CSNK1G1: variants seen among roughly 807,000 people sequenced by gnomAD.
CSNK1G1 encodes casein kinase 1 gamma 1, also known as casein kinase I isoform gamma-1.
In CSNK1G1, 22 loss-of-function variants were observed where a neutral mutation model predicts 59.6. The ratio of observed to expected loss-of-function variants is 0.37; its 90% CI spans 0.26 to 0.53. The LOEUF (loss-of-function observed/expected upper bound fraction) is 0.53. CSNK1G1 is among the 20% of genes least tolerant of loss of function. The pLI is 0.89. For synonymous variants in CSNK1G1, 179 were observed against 177.1 expected, an observed-to-expected ratio of 1.01 and a Z score of -0.08; for missense variants, 384 against 519.5, an observed-to-expected ratio of 0.74 and a Z score of 2.54.
At chr15:64,204,729 A>G in intron 8 of CSNK1G1, 136 bp downstream of exon 8, 2 of 1,181,450 alleles carry the variant, frequency 1.7e-6, no homozygotes, top group Non-Finnish European at 2.5e-6. Context: ...AATAAAAGTG[A>G]TAAAACCTAC....
intron 1 of CSNK1G1, among the ~76,000 whole-genome samples, chr15:64,312,151 T>A (rs1449915499): frequency 6.6e-6 from 1 of 152,078 alleles, no homozygotes; most frequent in Non-Finnish European, 1.5e-5. Flanking sequence ...AGAGGAAGAA[T>A]CAATATCACG....
chr15:64,300,815 G>T, intron 1 of CSNK1G1, 92 bp from the exon 2 acceptor site: 1 of 764,660 alleles, frequency 1.3e-6, no homozygotes, highest in African/African-American at 1.8e-5. Context: ...CCTATCCAAA[G>T]GTGAGCAAAA....
At chr15:64,235,054 T>A (rs1417430398) in intron 4 of CSNK1G1, among the ~76,000 whole-genome samples, 1 of 152,090 alleles carries the variant, frequency 6.6e-6, no homozygotes, top group African/African-American at 2.4e-5. Flanking sequence ...TTTACAGCCC[T>A]AAGCAGGAGG....
chr15:64,180,200 T>C, intron 11 of CSNK1G1, 148 bp downstream of exon 11: 1 of 624,184 alleles, frequency 1.6e-6, no homozygotes, highest in Non-Finnish European at 2.9e-6. Flanking sequence ...AGCCTTAAGG[T>C]ACCATGCAAA....
At chr15:64,208,806 G>A (rs1243808989) in intron 6 of CSNK1G1, among the ~76,000 whole-genome samples, 1 of 152,010 alleles carries the variant, frequency 6.6e-6, no homozygotes, top group Non-Finnish European at 1.5e-5. Flanking sequence ...AAACTGCTGG[G>A]ATTACCCATG....
chr15:64,296,365 C>T (rs1692048050), intron 2 of CSNK1G1, among the ~76,000 whole-genome samples: 1 of 152,160 alleles, frequency 6.6e-6, no homozygotes, highest in African/African-American at 2.4e-5. Flanking sequence ...AAGTCATCTG[C>T]CTGCCTTGGC....
chr15:64,276,946 C>CAA (rs1304321213), intron 2 of CSNK1G1, among the ~76,000 whole-genome samples: 6 of 54,466 alleles, frequency 1.1e-4, no homozygotes, highest in Non-Finnish European at 1.5e-4. Context: ...GACTCCATCT[C>CAA]AAAAAAAAAA....
chr15:64,177,423 A>G (rs1426839509), intron 11 of CSNK1G1, among the ~76,000 whole-genome samples: 1 of 152,228 alleles, frequency 6.6e-6, no homozygotes, highest in East Asian at 1.9e-4. Context: ...AAAGGCCAAG[A>G]AAAATAACAC....
intron 7 of CSNK1G1, among the ~76,000 whole-genome samples, chr15:64,206,858 T>C (rs886679878): frequency 2.0e-5 from 3 of 152,212 alleles, no homozygotes; most frequent in African/African-American, 7.2e-5. Flanking sequence ...TAAACCTGGA[T>C]TTTCATTTTA....
intron 4 of CSNK1G1, among the ~76,000 whole-genome samples, chr15:64,225,567 C>T (rs1194139211): frequency 6.6e-6 from 1 of 152,170 alleles, no homozygotes; most frequent in East Asian, 1.9e-4. Flanking sequence ...CAGAATCCTT[C>T]ATTTACATAG....
chr15:64,236,142 CAAAAAAAAAAAAA>C (rs532663571), intron 4 of CSNK1G1, among the ~76,000 whole-genome samples: 1 of 68,032 alleles, frequency 1.5e-5, no homozygotes, highest in Non-Finnish European at 3.4e-5. Context: ...GACTCCATCT[CAAAAAAAAAAAAA>C]AAAAAAGAAA....
intron 10 of CSNK1G1, among the ~76,000 whole-genome samples, chr15:64,182,838 A>C (rs2081837697): frequency 6.6e-6 from 1 of 152,190 alleles, no homozygotes; most frequent in Admixed American, 6.5e-5. Context: ...TGAAATTTTC[A>C]ATACAAAAAG....
intron 10 of CSNK1G1, chr15:64,189,406 T>TTAGG: frequency 7.8e-7 from 1 of 1,285,600 alleles, no homozygotes; most frequent in South Asian, 1.3e-5. Context: ...AAGAATCTGT[T>TTAGG]TAGGTGCCTC....
At chr15:64,339,322 T>C (rs535383090) in intron 1 of CSNK1G1, among the ~76,000 whole-genome samples, 1 of 152,240 alleles carries the variant, frequency 6.6e-6, no homozygotes, top group Admixed American at 6.5e-5. Flanking sequence ...TTATTGTTGT[T>C]GTTGTTTTGA....
At chr15:64,249,304 C>T (rs1056924819) in intron 4 of CSNK1G1, among the ~76,000 whole-genome samples, 5 of 152,146 alleles carry the variant, frequency 3.3e-5, no homozygotes, top group East Asian at 3.9e-4. Flanking sequence ...CTTACACTAG[C>T]GGGTAGGGGT....
intron 1 of CSNK1G1, among the ~76,000 whole-genome samples, chr15:64,337,343 T>C (rs1461903284): frequency 6.6e-6 from 1 of 152,160 alleles, no homozygotes; most frequent in African/African-American, 2.4e-5. Flanking sequence ...TCCAGTAATA[T>C]ACTAACATTT....
chr15:64,226,671 T>C (rs2082467299), intron 4 of CSNK1G1, among the ~76,000 whole-genome samples: 1 of 151,920 alleles, frequency 6.6e-6, no homozygotes, highest in Non-Finnish European at 1.5e-5. Flanking sequence ...GATTAAAAAA[T>C]CCAGTATTTG....
chr15:64,300,760 A>T lies in CSNK1G1; in HGVS notation c.-224-37T>A, dbSNP rs1473591602. ...TCAAGAAAACATGTAGTTAAAAATT[A>T]AATTTTGAAACAAATTCAGAAAGTC... On this transcript the variant is annotated intron_variant, in intron 1 of 11. Coordinates refer to ENST00000303052, the MANE Select transcript of CSNK1G1 (RefSeq NM_022048.5). 3.0e-5 allele frequency: 36 copies of T among 1,196,644 alleles called. No homozygotes were observed. The East Asian group carries it at 1.1e-3, about 35-fold the overall frequency. The allele number at this position is 1,196,644 out of a possible 1,614,324, so 74.1% of individuals were successfully genotyped here.
At chr15:64,193,047 C>T (rs1418154089) in intron 10 of CSNK1G1, among the ~76,000 whole-genome samples, 1 of 152,054 alleles carries the variant, frequency 6.6e-6, no homozygotes, top group African/African-American at 2.4e-5. Flanking sequence ...TAACTGTCTT[C>T]AACTATAAAC....
Sources: allele counts gnomAD v4.1 joint callset (sites outside exome capture counted in the v4.1 genomes callset), GRCh38; gene constraint gnomAD v4.1.1; transcripts MANE v1.5; gene names NCBI Gene and HGNC (gene_info 2026-07-23, HGNC 2026-07-21).